PBX1: variants seen among roughly 807,000 people sequenced by gnomAD.
PBX1 encodes the protein PBX homeobox 1.
PBX1 carries 6 observed loss-of-function variants against 53.4 expected under a neutral mutation model. That is an observed-to-expected ratio of 0.11 (90% confidence interval 0.06 to 0.22). PBX1 has a LOEUF of 0.22. Among genes scored for constraint, PBX1 ranks in the 10% least tolerant of loss-of-function variants. The pLI, the probability that PBX1 is intolerant of heterozygous loss-of-function variation, is 1.00. For missense variants in PBX1, 251 were observed against 551.4 expected, an observed-to-expected ratio of 0.46 and a Z score of 5.46; for synonymous variants, 204 against 212.3, an observed-to-expected ratio of 0.96 and a Z score of 0.34.
Position 164,559,838 on chromosome 1 carries a change from A to C in PBX1, c.16A>C (p.Arg6=). 6.5e-7 allele frequency: 1 copy of C among 1,546,412 alleles called. No individual in the cohort carries two copies. Among genetic ancestry groups the C allele is most frequent in the Non-Finnish European group, 8.7e-7 (1 of 1,144,698 alleles). Residue 6 remains arginine, a synonymous_variant, in exon 1 of 9, where the codon AGG becomes CGG. Coordinates refer to ENST00000420696, the MANE Select transcript of PBX1 (RefSeq NM_002585.4). ...GCCTTTGGAGATGGACGAGCAGCCC[A>C]GGCTGATGCATTCCCATGCTGGGGT... MDEQP[R]LMHSHAGVGM... is the part of the protein sequence containing the mutation.
At position 164,880,192 on chromosome 1, in the gene PBX1, G is replaced by A. The variant is rs59661520; in HGVS notation, n.258-18996G>A. 1.8e-3 allele frequency among the ~76,000 whole-genome samples: 268 copies of A among 152,114 alleles called. 1 individual carries two copies. Among genetic ancestry groups the A allele is most frequent in the African/African-American group, 6.0e-3 (249 of 41,482 alleles). On this transcript the variant is annotated intron_variant and non_coding_transcript_variant, in intron 2 of 2. Transcript: ENST00000558796. ...CATACCCCTATTCCTGTATTATTCC[G>A]TCAACAAGCACATGTTGGGCACCTT...
intron 2 of PBX1, among the ~76,000 whole-genome samples, chr1:164,564,439 CTT>C (rs1283541807): frequency 6.6e-6 from 1 of 151,986 alleles, no homozygotes; most frequent in Non-Finnish European, 1.5e-5. Context: ...GGGTGGCTTT[CTT>C]TTTGAGAGCT....
intron 2 of PBX1, among the ~76,000 whole-genome samples, chr1:164,623,183 A>T (rs887694459): frequency 6.6e-6 from 1 of 152,034 alleles, no homozygotes; most frequent in Non-Finnish European, 1.5e-5. Context: ...TAATCTCTGG[A>T]GGTAAGCCCC....
At chr1:164,601,215 G>A (rs1430822390) in intron 2 of PBX1, among the ~76,000 whole-genome samples, 4 of 123,640 alleles carry the variant, frequency 3.2e-5, no homozygotes, top group Admixed American at 1.1e-4. Flanking sequence ...CAGCCTGGGC[G>A]ACAGAGCAAG....
intron 4 of PBX1, among the ~76,000 whole-genome samples, chr1:164,800,354 C>G (rs1219791479): frequency 6.6e-6 from 1 of 152,170 alleles, no homozygotes; most frequent in African/African-American, 2.4e-5. Flanking sequence ...ATTGCTGTCT[C>G]TGGGCTAATT....
At chr1:164,604,172 C>T (rs1409836528) in intron 2 of PBX1, among the ~76,000 whole-genome samples, 1 of 151,992 alleles carries the variant, frequency 6.6e-6, no homozygotes, top group East Asian at 1.9e-4. Context: ...AACTTCTGAG[C>T]TCAGGCAATC....
chr1:164,664,054 T>G (rs2101954924), intron 2 of PBX1, among the ~76,000 whole-genome samples: 1 of 152,354 alleles, frequency 6.6e-6, no homozygotes, highest in Admixed American at 6.5e-5. Flanking sequence ...CCACTTTGCA[T>G]TTGGTGAGTT....
intron 2 of PBX1, among the ~76,000 whole-genome samples, chr1:164,652,514 A>T (rs946605565): frequency 3.3e-5 from 5 of 152,162 alleles, no homozygotes; most frequent in Non-Finnish European, 7.3e-5. Context: ...AAAATGAGGG[A>T]TAGAGATGTT....
intron 2 of PBX1, among the ~76,000 whole-genome samples, chr1:164,634,473 T>C (rs1658612733): frequency 6.6e-6 from 1 of 152,204 alleles, no homozygotes; most frequent in Non-Finnish European, 1.5e-5. Context: ...AGAGTGCTTT[T>C]TGAGCTTGGG....
At chr1:164,720,748 A>G (rs1664358220) in intron 2 of PBX1, among the ~76,000 whole-genome samples, 1 of 152,216 alleles carries the variant, frequency 6.6e-6, no homozygotes, top group African/African-American at 2.4e-5. Flanking sequence ...CTTATTCAGT[A>G]TGAATAGCAG....
chr1:164,763,893 G>A (rs1557992741), intron 2 of PBX1, among the ~76,000 whole-genome samples: 1 of 152,194 alleles, frequency 6.6e-6, no homozygotes, highest in African/African-American at 2.4e-5. Flanking sequence ...ATTAATCTGT[G>A]TGCTCCAGGC....
At chr1:164,732,348 A>G (rs921363670) in intron 2 of PBX1, among the ~76,000 whole-genome samples, 29 of 152,176 alleles carry the variant, frequency 1.9e-4, no homozygotes, top group Admixed American at 1.2e-3. Flanking sequence ...CCAACTTCAC[A>G]TGGATTCTCA....
intron 2 of PBX1, among the ~76,000 whole-genome samples, chr1:164,691,474 G>A (rs1383531064): frequency 1.3e-5 from 2 of 152,122 alleles, no homozygotes; most frequent in South Asian, 4.1e-4. Context: ...CTGTGTTTTA[G>A]AGTGTTCTAA....
At chr1:164,799,635 A>C (rs1668969988) in intron 3 of PBX1, 64 bp from the exon 4 acceptor site, 1 of 1,500,706 alleles carries the variant, frequency 6.7e-7, no homozygotes, top group African/African-American at 1.4e-5. Context: ...GCCTAATGTC[A>C]TAGACTTGAT....
At chr1:164,736,594 T>C (rs74121208) in intron 2 of PBX1, among the ~76,000 whole-genome samples, 120 of 152,096 alleles carry the variant, frequency 7.9e-4, no homozygotes, top group African/African-American at 2.6e-3. Flanking sequence ...ATATACATTA[T>C]CCTCCAGAAA....
chr1:164,686,055 A>G (rs1433855172), intron 2 of PBX1, among the ~76,000 whole-genome samples: 3 of 152,190 alleles, frequency 2.0e-5, no homozygotes, highest in African/African-American at 7.2e-5. Flanking sequence ...TTGGCAATCA[A>G]TGCTGCTGAA....
chr1:164,859,596 C>T (rs945912503), intron 2 of PBX1, among the ~76,000 whole-genome samples: 4 of 152,196 alleles, frequency 2.6e-5, no homozygotes, highest in Non-Finnish European at 4.4e-5. Flanking sequence ...ATGCAAATAG[C>T]AAAATCTCTG....
At chr1:164,839,253 C>A (rs910089163) in intron 8 of PBX1, among the ~76,000 whole-genome samples, 1 of 152,176 alleles carries the variant, frequency 6.6e-6, no homozygotes, top group African/African-American at 2.4e-5. Flanking sequence ...TAGCAAATGT[C>A]AATTTCCTGC....
At chr1:164,664,996 T>A (rs570942510) in intron 2 of PBX1, among the ~76,000 whole-genome samples, 1 of 152,142 alleles carries the variant, frequency 6.6e-6, no homozygotes, top group Non-Finnish European at 1.5e-5. Context: ...TGTTGCAGGG[T>A]CTTAGAAAAG....
Sources: allele counts gnomAD v4.1 joint callset (sites outside exome capture counted in the v4.1 genomes callset), GRCh38; gene constraint gnomAD v4.1.1; transcripts MANE v1.5; gene names NCBI Gene and HGNC (gene_info 2026-07-23, HGNC 2026-07-21).